MACROD2: variants seen among roughly 807,000 people sequenced by gnomAD.
MACROD2 encodes the protein mono-ADP ribosylhydrolase 2.
A neutral mutation model predicts 70.4 loss-of-function variants in MACROD2; 36 were observed. That is an observed-to-expected ratio of 0.51 (90% CI 0.39 to 0.68). The LOEUF is 0.68. MACROD2 is among the 30% of genes least tolerant of loss of function. The pLI, the probability that MACROD2 is intolerant of heterozygous loss-of-function variation, is 0.00. For missense variants in MACROD2, 496 were observed against 538.4 expected, an observed-to-expected ratio of 0.92 and a Z score of 0.78; for synonymous variants, 172 against 178.8, an observed-to-expected ratio of 0.96 and a Z score of 0.30.
intron 6 of MACROD2, among the ~76,000 whole-genome samples, chr20:15,406,323 A>G (rs1034260693): frequency 6.6e-6 from 1 of 152,334 alleles, no homozygotes; most frequent in Middle Eastern, 3.4e-3. Context: ...ATACTTCATC[A>G]TATTCTGCTG....
chr20:14,551,480 A>G (rs1978650518), intron 4 of MACROD2, among the ~76,000 whole-genome samples: 1 of 152,220 alleles, frequency 6.6e-6, no homozygotes, highest in Admixed American at 6.5e-5. Context: ...TTTCTGACAT[A>G]GTAAGTTATG....
At chr20:14,225,794 TA>T (rs2081727449) in intron 3 of MACROD2, among the ~76,000 whole-genome samples, 2 of 152,212 alleles carry the variant, frequency 1.3e-5, no homozygotes, top group African/African-American at 4.8e-5. Flanking sequence ...TGATCCAAAA[TA>T]TTTTTTTAAG....
At chr20:16,016,944 A>G (rs369387258) in intron 15 of MACROD2, among the ~76,000 whole-genome samples, 27 of 152,208 alleles carry the variant, frequency 1.8e-4, no homozygotes, top group African/African-American at 4.1e-4. Context: ...ATTGCCAGAT[A>G]TGTTCACTTC....
intron 6 of MACROD2, among the ~76,000 whole-genome samples, chr20:15,274,276 G>C (rs1413982693): frequency 1.3e-5 from 2 of 152,208 alleles, no homozygotes; most frequent in East Asian, 1.9e-4. Flanking sequence ...TGATGAAAGA[G>C]TCTGGCCTGA....
intron 5 of MACROD2, among the ~76,000 whole-genome samples, chr20:15,130,735 G>C (rs939587057): frequency 6.6e-6 from 1 of 152,092 alleles, no homozygotes; most frequent in African/African-American, 2.4e-5. Context: ...GTGTATACTA[G>C]AATCCCTGGG....
intron 5 of MACROD2, among the ~76,000 whole-genome samples, chr20:15,217,854 G>C (rs531363152): frequency 6.6e-6 from 1 of 152,064 alleles, no homozygotes; most frequent in Admixed American, 6.6e-5. Flanking sequence ...CTGTGGAAAG[G>C]TCTCTTGGTT....
chr20:16,035,044 TA>T (rs2067204069), intron 15 of MACROD2, among the ~76,000 whole-genome samples: 7 of 140,956 alleles, frequency 5.0e-5, no homozygotes, highest in Admixed American at 3.0e-4. Context: ...ATATAAAATA[TA>T]ATATAGAATA....
At chr20:15,697,181 A>G (rs1189257072) in intron 8 of MACROD2, among the ~76,000 whole-genome samples, 1 of 152,056 alleles carries the variant, frequency 6.6e-6, no homozygotes, top group Non-Finnish European at 1.5e-5. Context: ...TTTTTGATGA[A>G]GGCATTTAGG....
intron 3 of MACROD2, among the ~76,000 whole-genome samples, chr20:14,383,337 C>G (rs141121365): frequency 6.6e-6 from 1 of 151,326 alleles, no homozygotes; most frequent in Admixed American, 6.6e-5. Flanking sequence ...TTTGGAACTC[C>G]GTGACGATAG....
At chr20:14,806,167 G>A (rs1218354713) in intron 5 of MACROD2, among the ~76,000 whole-genome samples, 1 of 152,096 alleles carries the variant, frequency 6.6e-6, no homozygotes, top group African/African-American at 2.4e-5. Context: ...GACTCGAAGA[G>A]GGCCGAATAG....
At chr20:15,074,327 G>GGTA (rs2075641305) in intron 5 of MACROD2, among the ~76,000 whole-genome samples, 1 of 152,172 alleles carries the variant, frequency 6.6e-6, no homozygotes, top group African/African-American at 2.4e-5. Flanking sequence ...ACCTAATGAA[G>GGTA]CTTGTATAAA....
At chr20:14,924,988 C>A (rs1278659069) in intron 5 of MACROD2, among the ~76,000 whole-genome samples, 1 of 151,768 alleles carries the variant, frequency 6.6e-6, no homozygotes, top group Admixed American at 6.6e-5. Flanking sequence ...TTAAATATCT[C>A]CTTTTCTGTG....
intron 5 of MACROD2, among the ~76,000 whole-genome samples, chr20:15,139,101 T>C (rs1309020920): frequency 6.6e-6 from 1 of 152,186 alleles, no homozygotes; most frequent in Admixed American, 6.5e-5. Context: ...TCTGACAGAC[T>C]GAAACTTAGT....
At chr20:15,127,868 G>T (rs770683468) in intron 5 of MACROD2, among the ~76,000 whole-genome samples, 8 of 152,072 alleles carry the variant, frequency 5.3e-5, no homozygotes, top group African/African-American at 1.7e-4. Flanking sequence ...GGGATAATTA[G>T]GGGTCATCTT....
At chr20:15,595,156 A>G (rs2048729806) in intron 8 of MACROD2, among the ~76,000 whole-genome samples, 1 of 152,212 alleles carries the variant, frequency 6.6e-6, no homozygotes, top group South Asian at 2.1e-4. Flanking sequence ...TAAGGGGTAC[A>G]GAGTTTTAGT....
At chr20:14,716,448 G>A (rs147692478) in intron 5 of MACROD2, among the ~76,000 whole-genome samples, 233 of 152,230 alleles carry the variant, frequency 1.5e-3, no homozygotes, top group Non-Finnish European at 2.7e-3. Flanking sequence ...CTTGGCAGAG[G>A]GACCCCATAC....
At chr20:15,159,861 T>C (rs1269391793) in intron 5 of MACROD2, among the ~76,000 whole-genome samples, 1 of 152,030 alleles carries the variant, frequency 6.6e-6, no homozygotes, top group Admixed American at 6.6e-5. Flanking sequence ...AGATGCTAAA[T>C]TCTCAGCGCA....
At chr20:14,109,131 A>G (rs552212364) in intron 3 of MACROD2, among the ~76,000 whole-genome samples, 4 of 152,198 alleles carry the variant, frequency 2.6e-5, no homozygotes, top group Admixed American at 2.6e-4. Context: ...AACTATACAA[A>G]CACATGGAAA....
intron 3 of MACROD2, among the ~76,000 whole-genome samples, chr20:14,169,891 G>A (rs990513945): frequency 6.6e-6 from 1 of 151,872 alleles, no homozygotes; most frequent in African/African-American, 2.4e-5. Context: ...AAGAACCTCT[G>A]TTAACTTTTT....
Sources: allele counts gnomAD v4.1 joint callset (sites outside exome capture counted in the v4.1 genomes callset), GRCh38; gene constraint gnomAD v4.1.1; transcripts MANE v1.5; gene names NCBI Gene and HGNC (gene_info 2026-07-23, HGNC 2026-07-21).